CABYR: variants seen among roughly 807,000 people sequenced by gnomAD.
CABYR encodes calcium-binding tyrosine phosphorylation-regulated protein.
CABYR carries 31 observed loss-of-function variants against 36.1 expected under a neutral mutation model. The observed-to-expected ratio is 0.86, with a 90% CI of 0.64 to 1.16. The LOEUF (loss-of-function observed/expected upper bound fraction) is 1.16, where lower values mean the gene tolerates loss of function less well. Ranked by LOEUF, CABYR falls within the 50% of genes most tolerant of loss-of-function variation. The pLI, the probability that CABYR is intolerant of heterozygous loss-of-function variation, is 0.00. For missense variants in CABYR, 429 were observed against 455.8 expected (o/e 0.94, Z 0.53); for synonymous variants, 146 against 160.7 (o/e 0.91, Z 0.69).
intron 4 of CABYR, chr18:24,156,388 T>C (rs1389813396): frequency 1.2e-6 from 2 of 1,614,062 alleles, no homozygotes. Flanking sequence ...ATATCATCTG[T>C]CTATAACGAT....
chr18:24,156,068 T>G (rs1237576664), intron 4 of CABYR, 26 bp downstream of exon 4: 1 of 1,614,026 alleles, frequency 6.2e-7, no homozygotes, highest in Non-Finnish European at 8.5e-7. Flanking sequence ...TTCATTCTGA[T>G]CAATCTGATG....
chr18:24,150,153 A>T (rs973189339), intron 3 of CABYR, among the ~76,000 whole-genome samples: 1 of 152,246 alleles, frequency 6.6e-6, no homozygotes, highest in Non-Finnish European at 1.5e-5. Flanking sequence ...GGAAGAGAAG[A>T]GGGAAGGACA....
At chr18:24,143,565 A>AAAAG in intron 3 of CABYR, 152 bp downstream of exon 3, 1 of 297,664 alleles carries the variant, frequency 3.4e-6, no homozygotes, top group Non-Finnish European at 5.9e-6. Context: ...ATATATTTTT[A>AAAAG]GAGACATGCT....
chr18:24,142,258 G>A (rs1157835462), intron 1 of CABYR, among the ~76,000 whole-genome samples: 1 of 152,052 alleles, frequency 6.6e-6, no homozygotes, highest in Non-Finnish European at 1.5e-5. Context: ...AGGGGAGGTT[G>A]CAGTTAGCTG....
intron 4 of CABYR, chr18:24,156,611 G>T (rs558787798): frequency 6.2e-7 from 1 of 1,614,208 alleles, no homozygotes; most frequent in African/African-American, 1.3e-5. Flanking sequence ...AGTTGGAGGA[G>T]AATGCAAAAT....
At chr18:24,149,229 C>T (rs540710562) in intron 3 of CABYR, among the ~76,000 whole-genome samples, 1 of 151,458 alleles carries the variant, frequency 6.6e-6, no homozygotes, top group South Asian at 2.1e-4. Context: ...GTTTACAAAC[C>T]TTGAGCTAGA....
At position 24,157,783 on chromosome 18, in the gene CABYR, T is replaced by G. The variant is rs73967689; in HGVS notation, c.542-1689T>G. On this transcript the variant is annotated intron_variant, in intron 4 of 5. Transcript: ENST00000399496. ...AGACATGATGTGACCTTCATCTCCA[T>G]CTAATTATGGCATTTGGTCTGCTCA... is the stretch of plus-strand genomic sequence containing the variant. Among the ~76,000 whole-genome samples the G allele has an allele frequency of 1.9e-3, 286 of 152,318 alleles. 1 individual carries two copies. Among genetic ancestry groups the G allele is most frequent in the African/African-American group, 6.0e-3 (250 of 41,570 alleles).
chr18:24,144,902 T>C, intron 3 of CABYR, among the ~76,000 whole-genome samples: 1 of 152,256 alleles, frequency 6.6e-6, no homozygotes. Context: ...AATACTTTTC[T>C]GGCATATCTA....
chr18:24,160,560 G>A (rs2085936897), intron 5 of CABYR, among the ~76,000 whole-genome samples: 1 of 152,192 alleles, frequency 6.6e-6, no homozygotes, highest in South Asian at 2.1e-4. Context: ...CAACAGCTGA[G>A]ATTAACTGTG....
intron 4 of CABYR, chr18:24,156,315 G>C (rs750467975): frequency 4.3e-6 from 7 of 1,614,050 alleles, no homozygotes; most frequent in African/African-American, 1.3e-5. Flanking sequence ...AGAACCTCCT[G>C]CTTATGATCA....
intron 1 of CABYR, among the ~76,000 whole-genome samples, chr18:24,142,485 C>A (rs1180778186): frequency 3.3e-5 from 5 of 152,132 alleles, no homozygotes; most frequent in Non-Finnish European, 7.3e-5. Flanking sequence ...GAAATGTTAA[C>A]TGCACAAAAT....
intron 4 of CABYR, chr18:24,156,772 C>T (rs190921762): frequency 1.2e-5 from 19 of 1,614,154 alleles, no homozygotes; most frequent in Admixed American, 3.3e-5. Flanking sequence ...GTGGAGATCA[C>T]TTCAATAGTC....
intron 5 of CABYR, among the ~76,000 whole-genome samples, chr18:24,161,202 A>C (rs140878420): frequency 2.0e-3 from 298 of 152,314 alleles, no homozygotes; most frequent in Non-Finnish European, 2.4e-3. Flanking sequence ...CATCTGAGAG[A>C]TCGACAAAAG....
At chr18:24,157,015 ATT>A (rs763115014) in intron 4 of CABYR, 4 of 1,573,686 alleles carry the variant, frequency 2.5e-6, no homozygotes, top group Non-Finnish European at 3.5e-6. Context: ...AAAATCAGGT[ATT>A]TCCATTACAA....
intron 3 of CABYR, among the ~76,000 whole-genome samples, chr18:24,150,042 G>C (rs2085579372): frequency 6.6e-6 from 1 of 152,270 alleles, no homozygotes; most frequent in Non-Finnish European, 1.5e-5. Context: ...TGCCGCCAAA[G>C]TGGGAGCCCA....
intron 3 of CABYR, among the ~76,000 whole-genome samples, chr18:24,152,070 T>C (rs1409986816): frequency 1.3e-5 from 2 of 152,196 alleles, no homozygotes; most frequent in Non-Finnish European, 2.9e-5. Context: ...TCCATAAGTA[T>C]ATAACACACA....
intron 3 of CABYR, 113 bp downstream of exon 3, chr18:24,143,526 C>T (rs1382620289): frequency 4.4e-6 from 2 of 449,766 alleles, no homozygotes; most frequent in Non-Finnish European, 7.5e-6. Flanking sequence ...TATGTTTAAT[C>T]ACATTGTTCC....
rs537599237 is a variant in CABYR at position 24,159,691 on chromosome 18, A to C, written c.761A>C (p.Lys254Thr). Reference sequence around the variant, plus strand: ...ACTTATGTGATGGGCGACACCAAGAAGACCAGTGCCCCACCTTTTATCTTA... The same window carrying C: ...ACTTATGTGATGGGCGACACCAAGACGACCAGTGCCCCACCTTTTATCTTA... ...FPTYVMGDTKKTSAPPFILVG... is the reference protein window; with the variant it reads ...FPTYVMGDTKTTSAPPFILVG... The change falls in exon 5 of 6, where the codon AAG becomes ACG. Residue 254 changes from lysine to threonine, a missense_variant. Coordinates refer to ENST00000399496, the MANE Select transcript of CABYR (RefSeq NM_153769.3). 5 of 1,614,102 alleles carry C rather than the reference A, an allele frequency of 3.1e-6. No individual in the cohort carries two copies. The highest frequency in any genetic ancestry group is 2.7e-5 in the African/African-American group (2 of 75,000).
At chr18:24,151,314 T>G (rs951150264) in intron 3 of CABYR, among the ~76,000 whole-genome samples, 1 of 152,262 alleles carries the variant, frequency 6.6e-6, no homozygotes, top group East Asian at 1.9e-4. Context: ...CAAGAAGGAA[T>G]GCCTTTAGTT....
Sources: allele counts gnomAD v4.1 joint callset (sites outside exome capture counted in the v4.1 genomes callset), GRCh38; gene constraint gnomAD v4.1.1; transcripts MANE v1.5; gene names NCBI Gene and HGNC (gene_info 2026-07-23, HGNC 2026-07-21).